CRB1: variants seen among roughly 807,000 people sequenced by gnomAD.
CRB1 encodes protein crumbs homolog 1.
A neutral mutation model predicts 120.0 loss-of-function variants in CRB1; 83 were observed. The ratio of observed to expected loss-of-function variants is 0.69; its 90% CI spans 0.58 to 0.83. CRB1 has a LOEUF of 0.83. Among genes scored for constraint, CRB1 ranks in the 40% least tolerant of loss-of-function variants. The probability of loss-of-function intolerance (pLI) is 0.00; values close to 1 mark genes in which losing one functional copy is unlikely to be tolerated. For missense variants in CRB1, 1,699 were observed against 1,687.6 expected, an observed-to-expected ratio of 1.01 and a Z score of -0.12; for synonymous variants, 625 against 612.5, an observed-to-expected ratio of 1.02 and a Z score of -0.30.
chr1:197,284,473 A>G (rs184158024), intron 1 of CRB1, among the ~76,000 whole-genome samples: 2 of 151,974 alleles, frequency 1.3e-5, no homozygotes, highest in African/African-American at 4.8e-5. Flanking sequence ...GATTAGCCCT[A>G]TTTCTTCAGG....
chr1:197,412,906 T>C (rs959564742), intron 5 of CRB1, among the ~76,000 whole-genome samples: 16 of 152,338 alleles, frequency 1.1e-4, no homozygotes, highest in African/African-American at 3.8e-4. Flanking sequence ...TCACAACTTA[T>C]CTGACCTCAG....
At chr1:197,445,192 C>T (rs1665645014) in intron 11 of CRB1, among the ~76,000 whole-genome samples, 1 of 152,198 alleles carries the variant, frequency 6.6e-6, no homozygotes, top group Admixed American at 6.5e-5. Flanking sequence ...ACTAACTCCT[C>T]TGGACCAAGC....
chr1:197,228,211 C>A, the CRB1 span, among the ~76,000 whole-genome samples: 1 of 152,182 alleles, frequency 6.6e-6, no homozygotes, highest in African/African-American at 2.4e-5. Context: ...ATGCAAATTT[C>A]TGCAGCCAGC....
intron 10 of CRB1, chr1:197,439,939 TC>T (rs1665353026): frequency 6.6e-6 from 1 of 152,148 alleles, no homozygotes; most frequent in South Asian, 2.1e-4. Flanking sequence ...ACGTTCATTT[TC>T]ATTTGCAGCC....
chr1:197,460,001 C>CTTTTTTTTTTTTTTT lies in CRB1; in HGVS notation c.4006-17655_4006-17641dup, dbSNP rs10679172. Among the ~76,000 whole-genome samples, 50 of 75,620 alleles carry CTTTTTTTTTTTTTTT rather than the reference C, an allele frequency of 6.6e-4. 1 individual carries two copies. The highest frequency in any genetic ancestry group is 2.2e-3 in the East Asian group (4 of 1,844). The allele number at this position is 75,620 out of a possible 152,430, so 49.6% of individuals were successfully genotyped here. A position where few individuals can be genotyped will look rare whatever the true frequency, so the allele number is the denominator to read the frequency against. On this transcript the variant is annotated intron_variant, in intron 11 of 11. Transcript: ENST00000367400. The stretch of plus-strand genomic sequence containing the variant: ...AGTAAGTCTTGCTTTAAGCCCCCCT[C>CTTTTTTTTTTTTTTT]TTTTTTTTTTTTTTTTTTTTTTACT...
intron 6 of CRB1, 55 bp downstream of exon 6, chr1:197,422,011 A>G (rs1664359302): frequency 6.7e-7 from 1 of 1,490,876 alleles, no homozygotes. Flanking sequence ...AGCAGAGCAG[A>G]AACAGCAAAA....
intron 1 of CRB1, among the ~76,000 whole-genome samples, chr1:197,323,974 G>A (rs150659008): frequency 2.9e-3 from 446 of 152,272 alleles, no homozygotes; most frequent in Non-Finnish European, 5.1e-3. Flanking sequence ...AAATAGCAAC[G>A]TGCCTATCAG....
At chr1:197,460,001 C>CTTTTTTTTTTTTTTTTTTTTTT (rs10679172) in intron 11 of CRB1, among the ~76,000 whole-genome samples, 10 of 75,642 alleles carry the variant, frequency 1.3e-4, no homozygotes, top group Non-Finnish European at 1.5e-4. Context: ...AAGCCCCCCT[C>CTTTTTTTTTTTTTTTTTTTTTT]TTTTTTTTTT....
At chr1:197,466,660 T>C (rs1288186742) in intron 11 of CRB1, among the ~76,000 whole-genome samples, 2 of 152,136 alleles carry the variant, frequency 1.3e-5, no homozygotes, top group African/African-American at 4.8e-5. Context: ...TGGTTTTGAT[T>C]TGGGGGCAAT....
intron 2 of CRB1, among the ~76,000 whole-genome samples, chr1:197,330,012 A>G (rs1368335926): frequency 1.3e-5 from 2 of 152,076 alleles, no homozygotes. Flanking sequence ...TTCTTTTTCC[A>G]AGTGTTAAGC....
the CRB1 span, among the ~76,000 whole-genome samples, chr1:197,221,708 A>C: frequency 3.3e-5 from 5 of 152,134 alleles, no homozygotes; most frequent in Non-Finnish European, 7.3e-5. Flanking sequence ...TTAAAAAAAA[A>C]TAATAAAGAG....
At chr1:197,419,999 A>C (rs199512190) in intron 5 of CRB1, among the ~76,000 whole-genome samples, 48 of 74,166 alleles carry the variant, frequency 6.5e-4, no homozygotes, top group East Asian at 1.7e-3. Context: ...AAAAAAAAAA[A>C]CAAACAAAAA....
chr1:197,424,773 C>T (rs1179641454), intron 6 of CRB1, among the ~76,000 whole-genome samples: 1 of 152,104 alleles, frequency 6.6e-6, no homozygotes, highest in East Asian at 1.9e-4. Context: ...CTTATTTATT[C>T]TTGTTAAATT....
chr1:197,397,515 T>C (rs1662831562), intron 5 of CRB1, among the ~76,000 whole-genome samples: 1 of 152,178 alleles, frequency 6.6e-6, no homozygotes, highest in African/African-American at 2.4e-5. Context: ...TGTACACAAA[T>C]GATTATTTCT....
chr1:197,309,108 A>T (rs1657355550), intron 1 of CRB1, among the ~76,000 whole-genome samples: 3 of 151,906 alleles, frequency 2.0e-5, no homozygotes, highest in African/African-American at 7.2e-5. Flanking sequence ...ACAATGACAC[A>T]CATATATTTA....
At chr1:197,401,112 G>T (rs1337646741) in intron 5 of CRB1, among the ~76,000 whole-genome samples, 2 of 152,024 alleles carry the variant, frequency 1.3e-5, no homozygotes, top group Non-Finnish European at 2.9e-5. Context: ...TTTTACTGCT[G>T]TGTTTAAGCA....
chr1:197,428,116 A>T, intron 7 of CRB1, 115 bp downstream of exon 7: 6 of 885,644 alleles, frequency 6.8e-6, no homozygotes, highest in Non-Finnish European at 1.1e-5. Context: ...CTGACCCACC[A>T]GTATAGAATA....
chr1:197,379,425 G>A (rs6660259), intron 5 of CRB1, among the ~76,000 whole-genome samples: 4,770 of 150,882 alleles, frequency 0.032, 243 homozygotes, highest in African/African-American at 0.11. Flanking sequence ...TCAGCCTCCC[G>A]AGTAGCTGGG....
At chr1:197,453,854 A>AAT (rs551204881) in intron 11 of CRB1, among the ~76,000 whole-genome samples, 9 of 141,802 alleles carry the variant, frequency 6.3e-5, no homozygotes, top group Admixed American at 5.2e-4. Context: ...TATTATTATT[A>AAT]ATATATATTA....
Sources: allele counts gnomAD v4.1 joint callset (sites outside exome capture counted in the v4.1 genomes callset), GRCh38; gene constraint gnomAD v4.1.1; transcripts MANE v1.5; gene names NCBI Gene and HGNC (gene_info 2026-07-23, HGNC 2026-07-21).